Variants in GABRG3 observed in about 807,000 individuals in gnomAD.
GABRG3 encodes the protein gamma-aminobutyric acid receptor subunit gamma-3.
Under a neutral mutation model 48.8 loss-of-function variants are expected in GABRG3, and 25 were observed. The observed-to-expected ratio is 0.51, with a 90% CI of 0.37 to 0.72. GABRG3 has a LOEUF of 0.72. Among genes scored for constraint, GABRG3 ranks in the 30% least tolerant of loss-of-function variants. The pLI is 0.00. For missense variants in GABRG3, 394 were observed against 577.9 expected, an observed-to-expected ratio of 0.68 and a Z score of 3.26; for synonymous variants, 227 against 217.6, an observed-to-expected ratio of 1.04 and a Z score of -0.38.
At chr15:27,488,421 G>T (rs1312222156) in intron 6 of GABRG3, among the ~76,000 whole-genome samples, 1 of 152,162 alleles carries the variant, frequency 6.6e-6, no homozygotes, top group Non-Finnish European at 1.5e-5. Context: ...TTCCAGGCCT[G>T]CACTCATAAG....
intron 7 of GABRG3, among the ~76,000 whole-genome samples, chr15:27,526,975 A>G (rs888175028): frequency 6.6e-6 from 1 of 152,172 alleles, no homozygotes; most frequent in Middle Eastern, 3.2e-3. Context: ...GCAGATGTGC[A>G]TGTTGTCAGC....
At chr15:27,263,431 A>G (rs1394301652) in intron 3 of GABRG3, among the ~76,000 whole-genome samples, 1 of 152,134 alleles carries the variant, frequency 6.6e-6, no homozygotes, top group African/African-American at 2.4e-5. Flanking sequence ...TGATACTAGG[A>G]TATTTCCCCA....
rs1193724116 is a variant in GABRG3 at position 27,523,016 on chromosome 15, C to T, written c.865+2892C>T. 2.0e-5 allele frequency among the ~76,000 whole-genome samples: 3 copies of T among 151,978 alleles called. No individual in the cohort carries two copies. The East Asian group carries it at 5.8e-4, about 29-fold the overall frequency. Reference sequence around the variant, plus strand: ...AGCTATTGGATATTACAGAACTCTGCACCTAATAATTACATCATGAAAGTG... The same window carrying T: ...AGCTATTGGATATTACAGAACTCTGTACCTAATAATTACATCATGAAAGTG... On this transcript the variant is annotated intron_variant, in intron 7 of 9. Transcript: ENST00000615808.
intron 3 of GABRG3, among the ~76,000 whole-genome samples, chr15:27,058,694 G>A (rs1383528749): frequency 6.6e-6 from 1 of 151,792 alleles, no homozygotes; most frequent in African/African-American, 2.4e-5. Flanking sequence ...AACAATTAGA[G>A]ATTAGAGATT....
At chr15:27,098,931 G>T (rs534074569) in intron 3 of GABRG3, among the ~76,000 whole-genome samples, 1 of 152,060 alleles carries the variant, frequency 6.6e-6, no homozygotes, top group Non-Finnish European at 1.5e-5. Context: ...AGAAGAAGGC[G>T]GATTGCCTGG....
intron 5 of GABRG3, among the ~76,000 whole-genome samples, chr15:27,381,509 T>C (rs897488331): frequency 6.6e-5 from 10 of 152,154 alleles, no homozygotes; most frequent in African/African-American, 2.4e-4. Flanking sequence ...TCCATTACAG[T>C]TTAGGTTTTC....
chr15:27,356,747 A>G (rs1405337544), intron 5 of GABRG3, among the ~76,000 whole-genome samples: 1 of 152,224 alleles, frequency 6.6e-6, no homozygotes, highest in African/African-American at 2.4e-5. Context: ...GTGTACCCAC[A>G]CAAAAACAGT....
At chr15:27,487,062 A>G (rs1037457467) in intron 6 of GABRG3, among the ~76,000 whole-genome samples, 1 of 152,198 alleles carries the variant, frequency 6.6e-6, no homozygotes, top group African/African-American at 2.4e-5. Flanking sequence ...CTGGGTTTGA[A>G]AGTCATAATT....
At chr15:27,143,148 A>G (rs1898135814) in intron 3 of GABRG3, among the ~76,000 whole-genome samples, 1 of 152,156 alleles carries the variant, frequency 6.6e-6, no homozygotes, top group South Asian at 2.1e-4. Flanking sequence ...GCATAATCAT[A>G]GCTCACCACA....
chr15:27,059,490 A>G (rs1195947712), intron 3 of GABRG3, among the ~76,000 whole-genome samples: 8 of 152,266 alleles, frequency 5.3e-5, no homozygotes, highest in South Asian at 2.1e-4. Context: ...GATAGCTGTT[A>G]TAACACTTTT....
In GABRG3 at chr15:27,354,981, G is replaced by A. The variant is rs372188976; in HGVS notation, c.574+26093G>A. Among the ~76,000 whole-genome samples, 25 of 152,232 alleles carry A rather than the reference G, an allele frequency of 1.6e-4. 1 individual carries two copies. Among genetic ancestry groups the A allele is most frequent in the African/African-American group, 5.3e-4 (22 of 41,518 alleles). ...TGATATGTGCTTTCTGGTTCTAATC[G>A]GAGGATCATTGAGAAGGAGAGAGCT... On this transcript the variant is annotated intron_variant, in intron 5 of 9. Coordinates refer to ENST00000615808, the MANE Select transcript of GABRG3 (RefSeq NM_033223.5).
At chr15:27,292,987 C>T (rs1011438855) in intron 3 of GABRG3, among the ~76,000 whole-genome samples, 24 of 152,134 alleles carry the variant, frequency 1.6e-4, no homozygotes, top group Admixed American at 2.6e-4. Context: ...AAGCCCTAAT[C>T]CTGAACTAAT....
intron 5 of GABRG3, among the ~76,000 whole-genome samples, chr15:27,335,486 A>G (rs963640837): frequency 5.3e-5 from 8 of 152,176 alleles, no homozygotes; most frequent in Non-Finnish European, 1.0e-4. Flanking sequence ...CATTTCCCTA[A>G]TGACTAAGGA....
chr15:27,070,014 G>A (rs1405997612), intron 3 of GABRG3, among the ~76,000 whole-genome samples: 2 of 152,238 alleles, frequency 1.3e-5, no homozygotes, highest in Non-Finnish European at 2.9e-5. Context: ...GAGGCAGGAA[G>A]AGAAGTGAAT....
intron 3 of GABRG3, among the ~76,000 whole-genome samples, chr15:27,174,286 A>T (rs1289527278): frequency 7.9e-5 from 12 of 152,120 alleles, no homozygotes; most frequent in Non-Finnish European, 1.6e-4. Context: ...TCAAGCATTG[A>T]TTTGTTCAAA....
Position 27,214,047 on chromosome 15 carries a change from C to T in GABRG3, c.271-112762C>T, listed in dbSNP as rs185104108. Among the ~76,000 whole-genome samples, 11 of 152,278 alleles carry T rather than the reference C, an allele frequency of 7.2e-5. No homozygotes were observed. In the East Asian group the frequency reaches 1.9e-3, roughly 27 times the overall value. On this transcript the variant is annotated intron_variant, in intron 3 of 9. Transcript: ENST00000615808. ...CAGGTAAAATCACAGACTTTGGCTT[C>T]GCTAAGATGTGTGATTGAGTCTCAG...
chr15:27,322,762 C>T (rs1170478750), intron 3 of GABRG3, among the ~76,000 whole-genome samples: 3 of 152,122 alleles, frequency 2.0e-5, no homozygotes, highest in African/African-American at 7.2e-5. Context: ...AGTCTAACAC[C>T]CAGACTCTGC....
At chr15:27,486,675 G>A (rs540109913) in intron 6 of GABRG3, among the ~76,000 whole-genome samples, 4 of 152,184 alleles carry the variant, frequency 2.6e-5, no homozygotes, top group South Asian at 2.1e-4. Context: ...ACCCATCCAC[G>A]CACTCCTCTC....
chr15:27,070,177 C>T (rs980297568), intron 3 of GABRG3, among the ~76,000 whole-genome samples: 1 of 152,232 alleles, frequency 6.6e-6, no homozygotes, highest in African/African-American at 2.4e-5. Flanking sequence ...GTCTGCAAAA[C>T]AAAACCTTTT....
Sources: allele counts gnomAD v4.1 joint callset (sites outside exome capture counted in the v4.1 genomes callset), GRCh38; gene constraint gnomAD v4.1.1; transcripts MANE v1.5; gene names NCBI Gene and HGNC (gene_info 2026-07-23, HGNC 2026-07-21).